The following UNC5D variants were observed in gnomAD, a reference collection of about 807,000 sequenced individuals.
UNC5D encodes unc-5 netrin receptor D.
In UNC5D, 39 loss-of-function variants were observed where a neutral mutation model predicts 105.4. The ratio of observed to expected loss-of-function variants is 0.37; its 90% CI spans 0.29 to 0.48. The LOEUF is 0.48. UNC5D is among the 20% of genes least tolerant of loss of function. The pLI, the probability that UNC5D is intolerant of heterozygous loss-of-function variation, is 0.98. For synonymous variants in UNC5D, 452 were observed against 450.4 expected, an observed-to-expected ratio of 1.00 and a Z score of -0.04; for missense variants, 991 against 1,202.4, an observed-to-expected ratio of 0.82 and a Z score of 2.60.
intron 4 of UNC5D, among the ~76,000 whole-genome samples, chr8:35,671,857 C>A (rs796321242): frequency 3.3e-5 from 5 of 151,940 alleles, no homozygotes; most frequent in African/African-American, 1.2e-4. Context: ...AATACAGATG[C>A]ACTTTGCTGT....
intron 1 of UNC5D, among the ~76,000 whole-genome samples, chr8:35,548,302 A>G (rs1020087399): frequency 1.3e-5 from 2 of 152,122 alleles, no homozygotes; most frequent in African/African-American, 4.8e-5. Context: ...TTTGGTCTCA[A>G]TGGGAACAAC....
In UNC5D at chr8:35,269,974, G is replaced by A. The variant is rs532288549; in HGVS notation, c.103+34087G>A. ...CACTAAAGTATGAGAGATCTTTAGT[G>A]GCACAGAGTAGGGTTTTACTGTTTG... On this transcript the variant is annotated intron_variant, in intron 1 of 16. Transcript: ENST00000404895. Among the ~76,000 whole-genome samples, 5 of 152,294 alleles carry A rather than the reference G, an allele frequency of 3.3e-5. No homozygotes were observed. The East Asian group carries it at 7.7e-4, about 23-fold the overall frequency.
At chr8:35,592,011 A>G (rs975567206) in intron 3 of UNC5D, among the ~76,000 whole-genome samples, 1 of 152,136 alleles carries the variant, frequency 6.6e-6, no homozygotes, top group African/African-American at 2.4e-5. Context: ...TTCCAATTTC[A>G]TTATATTAAT....
intron 1 of UNC5D, chr8:35,544,423 G>C: frequency 1.9e-6 from 3 of 1,609,044 alleles, no homozygotes; most frequent in Non-Finnish European, 2.5e-6. Flanking sequence ...AAAAAAAAAA[G>C]CTGTAATATG....
chr8:35,429,942 A>G (rs1245259743), intron 1 of UNC5D, among the ~76,000 whole-genome samples: 1 of 152,116 alleles, frequency 6.6e-6, no homozygotes, highest in Non-Finnish European at 1.5e-5. Flanking sequence ...TAGTAGTTCT[A>G]TAGATTTTGA....
intron 1 of UNC5D, among the ~76,000 whole-genome samples, chr8:35,345,164 A>C (rs2128905504): frequency 6.6e-6 from 1 of 152,128 alleles, no homozygotes; most frequent in East Asian, 1.9e-4. Flanking sequence ...TGAGCTGAAA[A>C]GAACGCTTGT....
At chr8:35,340,559 G>A (rs1811388187) in intron 1 of UNC5D, among the ~76,000 whole-genome samples, 1 of 152,160 alleles carries the variant, frequency 6.6e-6, no homozygotes, top group Non-Finnish European at 1.5e-5. Context: ...TCTTCCATTT[G>A]CAACTTACAG....
chr8:35,683,434 T>C, intron 4 of UNC5D, 113 bp from the exon 5 acceptor site: 3 of 1,055,180 alleles, frequency 2.8e-6, no homozygotes, highest in Non-Finnish European at 3.9e-6. Context: ...TCATTGCTGT[T>C]GCTCTATATT....
chr8:35,681,158 G>A (rs1437733974), intron 4 of UNC5D, among the ~76,000 whole-genome samples: 1 of 152,150 alleles, frequency 6.6e-6, no homozygotes, highest in African/African-American at 2.4e-5. Flanking sequence ...TAGTTAAGAA[G>A]CCACTGCAAA....
intron 1 of UNC5D, among the ~76,000 whole-genome samples, chr8:35,541,544 C>T (rs958586262): frequency 3.3e-5 from 5 of 152,114 alleles, no homozygotes; most frequent in Non-Finnish European, 4.4e-5. Context: ...ATGGCATGCC[C>T]GCTGTTGGGC....
At chr8:35,419,303 C>T (rs575677874) in intron 1 of UNC5D, among the ~76,000 whole-genome samples, 1 of 152,306 alleles carries the variant, frequency 6.6e-6, no homozygotes, top group South Asian at 2.1e-4. Context: ...CCAGGCTTCA[C>T]TCAGCTCCAG....
Position 35,282,214 on chromosome 8 carries a change from T to C in UNC5D, c.103+46327T>C, listed in dbSNP as rs1295096138. ...CTGAATACTGCTGTTGATGGCACCA[T>C]AGCATCGAAGGAGGACAGCATGCTG... On this transcript the variant is annotated intron_variant, in intron 1 of 16. Coordinates refer to ENST00000404895, the MANE Select transcript of UNC5D (RefSeq NM_080872.4). Among the ~76,000 whole-genome samples the C allele has an allele frequency of 3.9e-5, 6 of 152,192 alleles. No homozygotes were observed. In the South Asian group the frequency reaches 6.2e-4, roughly 16 times the overall value.
intron 8 of UNC5D, among the ~76,000 whole-genome samples, chr8:35,719,792 C>A (rs1674921909): frequency 6.6e-6 from 1 of 152,200 alleles, no homozygotes; most frequent in Non-Finnish European, 1.5e-5. Flanking sequence ...CTTTCCTCTG[C>A]CGCTTAGCTT....
At chr8:35,548,350 G>A (rs1316117156) in intron 1 of UNC5D, among the ~76,000 whole-genome samples, 1 of 152,116 alleles carries the variant, frequency 6.6e-6, no homozygotes, top group Non-Finnish European at 1.5e-5. Context: ...TGAAATGTTT[G>A]CTTTCTTTGG....
chr8:35,267,930 GAA>G (rs1304316203), intron 1 of UNC5D, among the ~76,000 whole-genome samples: 2 of 151,956 alleles, frequency 1.3e-5, no homozygotes, highest in South Asian at 2.1e-4. Flanking sequence ...TTTGAAAAAA[GAA>G]AGACAAAACT....
chr8:35,421,657 A>G (rs1805911862), intron 1 of UNC5D, among the ~76,000 whole-genome samples: 2 of 152,208 alleles, frequency 1.3e-5, no homozygotes, highest in Admixed American at 6.5e-5. Flanking sequence ...AAATAGTTAT[A>G]TATCAGATAT....
At chr8:35,393,877 ACT>A (rs2128943454) in intron 1 of UNC5D, among the ~76,000 whole-genome samples, 1 of 152,318 alleles carries the variant, frequency 6.6e-6, no homozygotes, top group East Asian at 1.9e-4. Flanking sequence ...TTAGTTTTAC[ACT>A]TTTGTGTGGC....
At chr8:35,567,945 G>C (rs567389234) in intron 2 of UNC5D, among the ~76,000 whole-genome samples, 153 bp from the exon 3 acceptor site, 4 of 152,140 alleles carry the variant, frequency 2.6e-5, no homozygotes, top group African/African-American at 9.7e-5. Context: ...AATTTAATTA[G>C]CAGTAATATA....
At position 35,794,781 on chromosome 8, in the gene UNC5D, C is replaced by T. The variant is rs1803191979; in HGVS notation, c.*4218C>T. ...TTTACAAAAGCAATTCTAGGAGAGC[C>T]AGTGTCTACCATGAACTCCTGACAT... On this transcript the variant is annotated 3_prime_UTR_variant, in exon 17 of 17. Coordinates refer to ENST00000404895, the MANE Select transcript of UNC5D (RefSeq NM_080872.4). 6.6e-6 allele frequency: 1 copy of T among 152,266 alleles called. No individual in the cohort carries two copies. The highest frequency in any genetic ancestry group is 6.6e-5 in the Admixed American group (1 of 15,258). The allele number at this position is 152,266 out of a possible 1,614,324, so 9.4% of individuals were successfully genotyped here.
Sources: allele counts gnomAD v4.1 joint callset (sites outside exome capture counted in the v4.1 genomes callset), GRCh38; gene constraint gnomAD v4.1.1; transcripts MANE v1.5; gene names NCBI Gene and HGNC (gene_info 2026-07-23, HGNC 2026-07-21).